Variants in ENTREP2 observed in about 807,000 individuals in gnomAD.
ENTREP2 encodes the protein endosomal transmembrane epsin interactor 2.
the ENTREP2 span, among the ~76,000 whole-genome samples, chr15:29,496,627 G>C: frequency 6.6e-6 from 1 of 152,068 alleles, no homozygotes; most frequent in East Asian, 1.9e-4. Flanking sequence ...TGTCATAAAA[G>C]ATTGTTGAAT....
chr15:29,560,359 G>A, the ENTREP2 span, among the ~76,000 whole-genome samples: 1 of 152,198 alleles, frequency 6.6e-6, no homozygotes. Context: ...GGTATGTCAA[G>A]AGGAGAGAGG....
chr15:29,231,764 C>T, the ENTREP2 span, among the ~76,000 whole-genome samples: 1 of 151,814 alleles, frequency 6.6e-6, no homozygotes, highest in Non-Finnish European at 1.5e-5. Context: ...TTTACCAATT[C>T]GTTCATTCTT....
the ENTREP2 span, among the ~76,000 whole-genome samples, chr15:29,623,060 T>C: frequency 6.6e-6 from 1 of 152,238 alleles, no homozygotes; most frequent in Non-Finnish European, 1.5e-5. Context: ...AAAGCTATAA[T>C]GCTCCTTTAT....
chr15:29,605,159 T>C, the ENTREP2 span, among the ~76,000 whole-genome samples: 7 of 152,160 alleles, frequency 4.6e-5, no homozygotes, highest in Non-Finnish European at 8.8e-5. Context: ...GAACAAATGA[T>C]GGACCAAAAT....
chr15:29,519,822 G>A, the ENTREP2 span, among the ~76,000 whole-genome samples: 1 of 152,198 alleles, frequency 6.6e-6, no homozygotes. Flanking sequence ...AACCACCAAA[G>A]AAGTGAAAAT....
At chr15:29,354,184 T>G in the ENTREP2 span, among the ~76,000 whole-genome samples, 3 of 152,188 alleles carry the variant, frequency 2.0e-5, no homozygotes, top group Non-Finnish European at 4.4e-5. Context: ...ACATCCATCT[T>G]CTGTCCTTGG....
chr15:29,490,735 G>A, the ENTREP2 span, among the ~76,000 whole-genome samples: 2 of 152,152 alleles, frequency 1.3e-5, no homozygotes, highest in Non-Finnish European at 2.9e-5. Context: ...GTGCTGACTG[G>A]TGCATATACA....
At chr15:29,660,675 GTAGTGCA>G in the ENTREP2 span, among the ~76,000 whole-genome samples, 1 of 152,184 alleles carries the variant, frequency 6.6e-6, no homozygotes, top group African/African-American at 2.4e-5. Context: ...CTGACAAGTA[GTAGTGCA>G]AATACACTCT....
At chr15:29,307,104 T>C in the ENTREP2 span, among the ~76,000 whole-genome samples, 76,629 of 151,706 alleles carry the variant, frequency 0.51, 22,174 homozygotes, top group African/African-American at 0.82. Context: ...TTATTTATAG[T>C]GGTACTTCTC....
chr15:29,224,384 G>A, the ENTREP2 span, among the ~76,000 whole-genome samples: 9 of 152,266 alleles, frequency 5.9e-5, no homozygotes, highest in South Asian at 4.1e-4. Context: ...ACTTGTGGAA[G>A]GGAACTGCGC....
At chr15:29,432,395 C>T in the ENTREP2 span, among the ~76,000 whole-genome samples, 1 of 152,208 alleles carries the variant, frequency 6.6e-6, no homozygotes, top group Admixed American at 6.5e-5. Flanking sequence ...ACCAGGTTTC[C>T]ACATCACGGA....
At chr15:29,447,168 A>G in the ENTREP2 span, among the ~76,000 whole-genome samples, 2 of 152,258 alleles carry the variant, frequency 1.3e-5, no homozygotes, top group Non-Finnish European at 2.9e-5. Context: ...TTTAATTAAA[A>G]TATTTTAATT....
chr15:29,296,538 C>T, the ENTREP2 span, among the ~76,000 whole-genome samples: 1 of 151,914 alleles, frequency 6.6e-6, no homozygotes, highest in Non-Finnish European at 1.5e-5. Context: ...ATATTATGAA[C>T]CTAAAGCAAA....
At chr15:29,399,005 G>C in the ENTREP2 span, among the ~76,000 whole-genome samples, 427 of 152,306 alleles carry the variant, frequency 2.8e-3, no homozygotes, top group Non-Finnish European at 5.3e-3. Flanking sequence ...TGGGCCCTTG[G>C]TGAAGTCCCA....
chr15:29,268,137 A>AAC, the ENTREP2 span: 1 of 152,220 alleles, frequency 6.6e-6, no homozygotes. Flanking sequence ...CGATTTAAAA[A>AAC]ACACACAATG....
At chr15:29,160,359 CCGCCAAA>C in the ENTREP2 span, among the ~76,000 whole-genome samples, 1 of 152,146 alleles carries the variant, frequency 6.6e-6, no homozygotes, top group African/African-American at 2.4e-5. Context: ...TCCTCAAGTG[CCGCCAAA>C]GTGGGAGCCC....
At chr15:29,212,074 T>C in the ENTREP2 span, among the ~76,000 whole-genome samples, 6 of 150,552 alleles carry the variant, frequency 4.0e-5, no homozygotes, top group Admixed American at 3.3e-4. Context: ...TTTGAATATC[T>C]GGTAGAATTC....
chr15:29,440,754 G>A, the ENTREP2 span, among the ~76,000 whole-genome samples: 9 of 151,986 alleles, frequency 5.9e-5, no homozygotes, highest in South Asian at 4.2e-4. Context: ...TGCCATCATC[G>A]CTCTCCCTCC....
At chr15:29,326,711 C>A in the ENTREP2 span, among the ~76,000 whole-genome samples, 1 of 152,076 alleles carries the variant, frequency 6.6e-6, no homozygotes, top group Non-Finnish European at 1.5e-5. Flanking sequence ...AAAGCTGATT[C>A]TCAAACTTAT....
Sources: allele counts gnomAD v4.1 joint callset (sites outside exome capture counted in the v4.1 genomes callset), GRCh38; gene constraint gnomAD v4.1.1; transcripts MANE v1.5; gene names NCBI Gene and HGNC (gene_info 2026-07-23, HGNC 2026-07-21).